Variants in LDHC observed in about 807,000 individuals in gnomAD.
The protein encoded by LDHC is L-lactate dehydrogenase C chain.
A neutral mutation model predicts 30.2 loss-of-function variants in LDHC; 20 were observed. The ratio of observed to expected loss-of-function variants is 0.66; its 90% confidence interval spans 0.47 to 0.96. The LOEUF (loss-of-function observed/expected upper bound fraction) is 0.96, where lower values mean the gene tolerates loss of function less well. LDHC is among the 40% of genes least tolerant of loss of function. LDHC has a pLI of 0.00. For missense variants in LDHC, 362 were observed against 394.9 expected (o/e 0.92, Z 0.71); for synonymous variants, 139 against 132.7 (o/e 1.05, Z -0.32).
At chr11:18,440,144 C>CAAAAAAAAAAAA (rs35749455) in intron 6 of LDHC, among the ~76,000 whole-genome samples, 1 of 83,062 alleles carries the variant, frequency 1.2e-5, no homozygotes, top group Non-Finnish European at 2.6e-5. Context: ...TACTAAAATA[C>CAAAAAAAAAAAA]AAAAAAAAAA....
chr11:18,440,168 G>T (rs1848440215), intron 6 of LDHC, among the ~76,000 whole-genome samples: 1 of 135,744 alleles, frequency 7.4e-6, no homozygotes, highest in South Asian at 2.3e-4. Context: ...AAAAAAATTA[G>T]CCGGGTGTGG....
chr11:18,420,186 A>G (rs1867094014), intron 3 of LDHC, among the ~76,000 whole-genome samples: 1 of 152,234 alleles, frequency 6.6e-6, no homozygotes, highest in Non-Finnish European at 1.5e-5. Flanking sequence ...GCAATTACCC[A>G]GAAGACAAGA....
At chr11:18,415,098 A>T in intron 2 of LDHC, 86 bp from the exon 3 acceptor site, 1 of 684,172 alleles carries the variant, frequency 1.5e-6, no homozygotes, top group Non-Finnish European at 2.6e-6. Context: ...AGATTCCTTT[A>T]ATTATCAAGT....
chr11:18,416,759 C>A (rs1250072293), intron 3 of LDHC, among the ~76,000 whole-genome samples: 1 of 150,622 alleles, frequency 6.6e-6, no homozygotes, highest in African/African-American at 2.4e-5. Flanking sequence ...TTTCATTCCT[C>A]CTTTCCTCCT....
At chr11:18,420,459 A>G (rs114183445) in intron 3 of LDHC, among the ~76,000 whole-genome samples, 2 of 152,236 alleles carry the variant, frequency 1.3e-5, no homozygotes, top group Admixed American at 6.5e-5. Context: ...TGACAATAGC[A>G]GCAGTGAAAC....
intron 7 of LDHC, among the ~76,000 whole-genome samples, chr11:18,447,572 A>G (rs540573502): frequency 4.1e-4 from 63 of 152,314 alleles, no homozygotes; most frequent in Non-Finnish European, 8.4e-4. Flanking sequence ...ATGTATATTG[A>G]AGTTAACAAG....
intron 1 of LDHC, 102 bp downstream of exon 1, chr11:18,412,510 A>G: frequency 2.0e-6 from 1 of 504,720 alleles, no homozygotes; most frequent in Non-Finnish European, 3.6e-6. Context: ...GGCAGGGAGA[A>G]ATCCAAAAGC....
In LDHC at chr11:18,451,176, C is replaced by A; in HGVS notation, c.*49C>A. The A allele has an allele frequency of 8.4e-7, 1 of 1,186,780 alleles. No individual in the cohort carries two copies. The highest frequency in any genetic ancestry group is 1.1e-6 in the Non-Finnish European group (1 of 878,492). The allele number at this position is 1,186,780 out of a possible 1,614,324, so 73.5% of individuals were successfully genotyped here. On this transcript the variant is annotated 3_prime_UTR_variant, in exon 8 of 8. Transcript: ENST00000541669. ...TGTTTGGAGAACAGAAGATAGCAGG[C>A]TGTGTATTTTAAATTTTGAAAGTAT...
rs762090575 is a variant in LDHC, at chr11:18,429,719, ATT to A, written c.245-15_245-14del. 1.8e-5 allele frequency: 27 copies of A among 1,516,382 alleles called. No homozygotes were observed. The highest frequency in any genetic ancestry group is 2.5e-5 in the Non-Finnish European group (27 of 1,099,040). The allele number at this position is 1,516,382 out of a possible 1,614,324, so 93.9% of individuals were successfully genotyped here. A position where few individuals can be genotyped will look rare whatever the true frequency, so the allele number is the denominator to read the frequency against. On this transcript the variant is annotated splice_polypyrimidine_tract_variant and intron_variant, in intron 3 of 7. Transcript: ENST00000541669. ...ATGGTAATGTTGATCCAAATATAGT[ATT>A]TTGTTTCCTTTTTAGATTACAGTGT... is the stretch of plus-strand genomic sequence containing the variant.
intron 3 of LDHC, among the ~76,000 whole-genome samples, chr11:18,427,128 C>T (rs1590227488): frequency 1.3e-5 from 2 of 151,974 alleles, no homozygotes; most frequent in East Asian, 1.9e-4. Context: ...GAGGCTGAGG[C>T]GGGTAGATCA....
rs1359901501 is a variant in LDHC, at chr11:18,451,646, T to A, written c.*519T>A. On this transcript the variant is annotated 3_prime_UTR_variant, in exon 8 of 8. Transcript: ENST00000541669. ...TTATAAATGCTTATTTTTAAGACCA[T>A]ATATATCAAAAAGAAATAAAAAGCT... 1 of 152,184 alleles carries A rather than the reference T, an allele frequency of 6.6e-6. No individual in the cohort carries two copies. The highest frequency in any genetic ancestry group is 2.4e-5 in the African/African-American group (1 of 41,414). The allele number at this position is 152,184 out of a possible 1,614,324, so 9.4% of individuals were successfully genotyped here. A position where few individuals can be genotyped will look rare whatever the true frequency, so the allele number is the denominator to read the frequency against.
chr11:18,437,557 C>T (rs1046174718), intron 5 of LDHC, among the ~76,000 whole-genome samples: 5 of 151,998 alleles, frequency 3.3e-5, no homozygotes, highest in South Asian at 2.1e-4. Context: ...TTGAGACCAT[C>T]CTGGCTAACA....
At chr11:18,428,888 AAAAAG>A (rs1476071256) in intron 3 of LDHC, among the ~76,000 whole-genome samples, 1 of 151,930 alleles carries the variant, frequency 6.6e-6, no homozygotes, top group African/African-American at 2.4e-5. Flanking sequence ...AAAAAAAAAA[AAAAAG>A]AAGACCAGTA....
At position 18,451,079 on chromosome 11, in the gene LDHC, G is replaced by T. The variant is rs766443248; in HGVS notation, c.951G>T (p.Lys317Asn). Residue 317 changes from lysine to asparagine, a missense_variant, in exon 8 of 8, where the codon AAG becomes AAT. Coordinates refer to ENST00000541669, the MANE Select transcript of LDHC (RefSeq NM_017448.5). Reference protein sequence around the residue: ...NLNSEEEALFKKSAETLWNIQ... With the variant: ...NLNSEEEALFNKSAETLWNIQ... ...ATTCTGAGGAGGAGGCCCTTTTCAA[G>T]AAGAGTGCAGAAACACTTTGGAATA... 1.9e-6 allele frequency: 3 copies of T among 1,581,318 alleles called. No individual in the cohort carries two copies. The highest frequency in any genetic ancestry group is 1.7e-4 in the Middle Eastern group (1 of 5,982).
Position 18,430,291 on chromosome 11 carries a change from G to C in LDHC, c.418+381G>C, listed in dbSNP as rs11024653. Among the ~76,000 whole-genome samples the C allele has an allele frequency of 1.2e-4, 18 of 152,126 alleles. No homozygotes were observed. The East Asian group carries it at 3.3e-3, about 28-fold the overall frequency. Reference sequence around the variant, plus strand: ...AGTGTATCATATTGTTCCTTTTTTAGTGCCAAAGTATTCTTTTGTTTATAC... The same window carrying C: ...AGTGTATCATATTGTTCCTTTTTTACTGCCAAAGTATTCTTTTGTTTATAC... On this transcript the variant is annotated intron_variant, in intron 4 of 7. Transcript: ENST00000541669.
At chr11:18,444,375 T>C (rs1248528479) in intron 6 of LDHC, among the ~76,000 whole-genome samples, 1 of 152,004 alleles carries the variant, frequency 6.6e-6, no homozygotes, top group African/African-American at 2.4e-5. Flanking sequence ...AGCTTTCTTT[T>C]CTTCAACTCA....
intron 6 of LDHC, among the ~76,000 whole-genome samples, chr11:18,442,825 G>A (rs1848490519): frequency 6.6e-6 from 1 of 151,856 alleles, no homozygotes; most frequent in East Asian, 1.9e-4. Context: ...ACCACACCTG[G>A]CTAGTTTTTA....
chr11:18,422,968 CTCAAAAAAACCAAAA>C (rs776460255), intron 3 of LDHC, among the ~76,000 whole-genome samples: 12 of 149,292 alleles, frequency 8.0e-5, no homozygotes, highest in Admixed American at 6.8e-4. Flanking sequence ...GGTGACATGT[CTCAAAAAAACCAAAA>C]CCAAAAAAAA....
At chr11:18,428,206 C>CTGT (rs202035294) in intron 3 of LDHC, among the ~76,000 whole-genome samples, 8,522 of 118,716 alleles carry the variant, frequency 0.072, 337 homozygotes, top group Middle Eastern at 0.13. Context: ...GAGTCTCACT[C>CTGT]TGTCACACAG....
Sources: gnomAD v4.1 joint callset for allele counts (sites outside exome capture counted in the v4.1 genomes callset) on GRCh38, gnomAD v4.1.1 for gene constraint, MANE v1.5 for transcripts, NCBI Gene and HGNC (gene_info 2026-07-23, HGNC 2026-07-21) for gene names.